MORC2: variants seen among roughly 807,000 people sequenced by gnomAD.
MORC2 encodes MORC family CW-type zinc finger 2.
Under a neutral mutation model 136.0 loss-of-function variants are expected in MORC2, and 30 were observed. The ratio of observed to expected loss-of-function variants is 0.22; its 90% CI spans 0.17 to 0.30. The LOEUF is 0.30. Ranked by LOEUF, MORC2 falls within the 10% of genes least tolerant of loss-of-function variation. MORC2 has a pLI of 1.00. For synonymous variants in MORC2, 439 were observed against 487.0 expected (o/e 0.90, Z 1.30); for missense variants, 922 against 1,333.1 (o/e 0.69, Z 4.80).
chr22:30,934,584 G>A lies in MORC2; in HGVS notation c.2193+197C>T, dbSNP rs539030134. Among the ~76,000 whole-genome samples the A allele has an allele frequency of 3.3e-5, 5 of 152,286 alleles. No homozygotes were observed. Among genetic ancestry groups the A allele is most frequent in the African/African-American group, 9.6e-5 (4 of 41,556 alleles). On this transcript the variant is annotated intron_variant, in intron 19 of 25. Transcript: ENST00000397641. This position sits in a 1 kb window ranked among gnomAD's most constrained non-coding sequence, Gnocchi z 4.4. ...ACTCGGAGGCAACAGTGAAGAGCTC[G>A]CTGTACAGGCAACCGATGTGCTGTC...
At chr22:30,936,835 A>G in intron 16 of MORC2, 97 bp downstream of exon 16, 1 of 1,340,022 alleles carries the variant, frequency 7.5e-7, no homozygotes, top group South Asian at 1.2e-5. Flanking sequence ...AGGTGTGGCA[A>G]GACAGAGATG....
Position 30,926,712 on chromosome 22 carries a change from T to C in MORC2, c.*91A>G. The C allele has an allele frequency of 1.0e-6, 1 of 981,878 alleles. No homozygotes were observed. The highest frequency in any genetic ancestry group is 2.5e-5 in the East Asian group (1 of 39,842). 60.8% of individuals were successfully genotyped at this position (981,878 alleles called of 1,614,324 possible). On this transcript the variant is annotated 3_prime_UTR_variant, in exon 26 of 26. Transcript: ENST00000397641. ...ATGTCCCGTGTAAGTCAAACCAAGG[T>C]GCGACCACCAACCCATGAATGAAGT...
At chr22:30,931,359 G>A (rs746322164) in intron 24 of MORC2, among the ~76,000 whole-genome samples, 2 of 152,236 alleles carry the variant, frequency 1.3e-5, no homozygotes, top group Non-Finnish European at 2.9e-5. Context: ...AGACTGTATA[G>A]CCTGTGAACC....
At chr22:30,949,869 GAA>G (rs1488111781) in intron 4 of MORC2, 27 bp from the exon 5 acceptor site, 1 of 1,608,286 alleles carries the variant, frequency 6.2e-7, no homozygotes, top group Non-Finnish European at 8.5e-7. Context: ...AAGAGAAAGT[GAA>G]AAGTTTGCAT....
rs908763675 is a variant in MORC2 at position 30,941,471 on chromosome 22, C to T, written c.786G>A (p.Val262=). 1.2e-6 allele frequency: 2 copies of T among 1,614,010 alleles called. No individual in the cohort carries two copies. The highest frequency in any genetic ancestry group is 1.7e-6 in the Non-Finnish European group (2 of 1,179,986). ...RMRIFIHGHK[V]QTKRLSCCLY... ...GGCAGCAGGAGAGCCTCTTGGTCTGCACCTTGTGCCCATGGATGAAGATCC... is the reference window on the plus strand; with the variant it reads ...GGCAGCAGGAGAGCCTCTTGGTCTGTACCTTGTGCCCATGGATGAAGATCC... Residue 262 remains valine (V), a synonymous_variant, in exon 9 of 26, where the codon GTG becomes GTA. Transcript: ENST00000397641. This position sits in a 1 kb window ranked among gnomAD's most constrained non-coding sequence, Gnocchi z 4.6.
At chr22:30,946,119 G>T (rs948419110) in intron 6 of MORC2, among the ~76,000 whole-genome samples, 1 of 152,188 alleles carries the variant, frequency 6.6e-6, no homozygotes, top group Admixed American at 6.5e-5. Flanking sequence ...GGAAACAGTT[G>T]TTCTCTGAAG....
In MORC2 at chr22:30,925,952, C is replaced by T. The variant is rs1003581662; in HGVS notation, c.*851G>A. ...AACAGGCTGTCCAGATCAATTGGCACCATCCAAGGCCCTGCTGCACCCACA... is the reference window on the plus strand; with the variant it reads ...AACAGGCTGTCCAGATCAATTGGCATCATCCAAGGCCCTGCTGCACCCACA... On this transcript the variant is annotated 3_prime_UTR_variant, in exon 26 of 26. Coordinates refer to ENST00000397641, the MANE Select transcript of MORC2 (RefSeq NM_001303256.3). 3.3e-5 allele frequency: 5 copies of T among 152,740 alleles called. No homozygotes were observed. Among genetic ancestry groups the T allele is most frequent in the African/African-American group, 1.2e-4 (5 of 41,422 alleles). The allele number at this position is 152,740 out of a possible 1,614,324, so 9.5% of individuals were successfully genotyped here. A position where few individuals can be genotyped will look rare whatever the true frequency, so the allele number is the denominator to read the frequency against.
At chr22:30,953,160 C>G (rs1003862992) in intron 3 of MORC2, among the ~76,000 whole-genome samples, 4 of 152,180 alleles carry the variant, frequency 2.6e-5, no homozygotes, top group African/African-American at 9.7e-5. Flanking sequence ...GAGATAGATT[C>G]CTATCACCTG....
chr22:30,967,565 ATTG>A (rs2041147888), intron 1 of MORC2: 4 of 1,298,458 alleles, frequency 3.1e-6, no homozygotes, highest in Non-Finnish European at 3.9e-6. Flanking sequence ...AACTCAACAT[ATTG>A]ACTTCAAATA....
chr22:30,925,272 C>A lies in MORC2; in HGVS notation c.*1531G>T, dbSNP rs993326692. On this transcript the variant is annotated 3_prime_UTR_variant, in exon 26 of 26. Transcript: ENST00000397641. Reference sequence around the variant, plus strand: ...CATTAGGTTTGGGGACAAAAGTGGACCCCATGCTGCCTGAGATGAAGAGAG... The same window carrying A: ...CATTAGGTTTGGGGACAAAAGTGGAACCCATGCTGCCTGAGATGAAGAGAG... 1.0e-5 allele frequency: 3 copies of A among 291,614 alleles called. No homozygotes were observed. The highest frequency in any genetic ancestry group is 1.0e-4 in the East Asian group (1 of 9,910). The allele number at this position is 291,614 out of a possible 1,614,324, so 18.1% of individuals were successfully genotyped here.
At chr22:30,946,627 A>G (rs2040819672) in intron 5 of MORC2, among the ~76,000 whole-genome samples, 178 bp from the exon 6 acceptor site, 1 of 145,596 alleles carries the variant, frequency 6.9e-6, no homozygotes, top group Non-Finnish European at 1.5e-5. Context: ...CCATCCCCCA[A>G]CACTCCTTCC....
At chr22:30,940,165 C>A in intron 10 of MORC2, 124 bp from the exon 11 acceptor site, 1 of 935,936 alleles carries the variant, frequency 1.1e-6, no homozygotes, top group Non-Finnish European at 1.6e-6. Flanking sequence ...GTAGGGGGAG[C>A]TATGGCTGGT....
Position 30,946,557 on chromosome 22 carries a change from C to A in MORC2, c.318-108G>T, listed in dbSNP as rs2040818441. On this transcript the variant is annotated intron_variant, in intron 5 of 25. Transcript: ENST00000397641. ...ATTGAAAGTGCCACTGGAGGGCTCTCCTAAAGGCCCCCCCAGGTCCCAGGA... is the reference window on the plus strand; with the variant it reads ...ATTGAAAGTGCCACTGGAGGGCTCTACTAAAGGCCCCCCCAGGTCCCAGGA... 5.6e-6 allele frequency: 5 copies of A among 899,428 alleles called. No individual in the cohort carries two copies. The Admixed American group carries it at 1.1e-4, about 20-fold the overall frequency. 55.7% of individuals were successfully genotyped at this position (899,428 alleles called of 1,614,324 possible). A position where few individuals can be genotyped will look rare whatever the true frequency, so the allele number is the denominator to read the frequency against.
At chr22:30,967,776 AGGAACGAGTTACT>A in intron 1 of MORC2, 33 bp downstream of exon 1, 1 of 1,548,946 alleles carries the variant, frequency 6.5e-7, no homozygotes, top group Non-Finnish European at 8.7e-7. Context: ...TATAATATCA[AGGAACGAGTTACT>A]GGTTACCTCA....
chr22:30,948,733 C>A (rs558766452), intron 5 of MORC2, among the ~76,000 whole-genome samples: 2 of 152,330 alleles, frequency 1.3e-5, no homozygotes, highest in African/African-American at 4.8e-5. Flanking sequence ...AAAGTAACTT[C>A]ACCCTTATAA....
rs993250919 is a variant in MORC2, at chr22:30,968,628, C to T, written c.-739G>A. ...GCGCCCCGCCCCCACGTCCCTCAGA[C>T]AACAGCCTCAGCCTCCCAGGCCCTT... On this transcript the variant is annotated 5_prime_UTR_variant, in exon 1 of 26. Transcript: ENST00000397641. 2.6e-5 allele frequency among the ~76,000 whole-genome samples: 4 copies of T among 152,122 alleles called. No homozygotes were observed. The highest frequency in any genetic ancestry group is 4.4e-5 in the Non-Finnish European group (3 of 68,026).
At position 30,941,705 on chromosome 22, in the gene MORC2, A is replaced by G. The variant is rs1474632121; in HGVS notation, c.699-147T>C. 1.6e-6 allele frequency: 2 copies of G among 1,287,356 alleles called. No individual in the cohort carries two copies. Among genetic ancestry groups the G allele is most frequent in the East Asian group, 2.5e-5 (1 of 40,654 alleles). The allele number at this position is 1,287,356 out of a possible 1,614,324, so 79.7% of individuals were successfully genotyped here. ...CCTGAACTGGTGCTCCCTTAGTGTG[A>G]GCACCACATCCCGCCCCTCTCACGT... On this transcript the variant is annotated intron_variant, in intron 8 of 25. Transcript: ENST00000397641. The surrounding 1 kb of genome is among the most constrained non-coding windows in gnomAD (Gnocchi z 4.6).
rs367644446 is a variant in MORC2, at chr22:30,937,252, C to A, written c.1499-215G>T. Among the ~76,000 whole-genome samples, 139 of 152,304 alleles carry A rather than the reference C, an allele frequency of 9.1e-4. No homozygotes were observed. The highest frequency in any genetic ancestry group is 7.5e-4 in the Non-Finnish European group (51 of 68,028). ...AACTTAATATGCTGGACTCTTAACA[C>A]CCCCAGCCCCTCTCCCTTTTTTATC... is the stretch of plus-strand genomic sequence containing the variant. On this transcript the variant is annotated intron_variant, in intron 15 of 25. Transcript: ENST00000397641. The surrounding 1 kb of genome is among the most constrained non-coding windows in gnomAD (Gnocchi z 4.7).
intron 24 of MORC2, chr22:30,929,860 C>G (rs1476087522): frequency 1.3e-5 from 2 of 151,554 alleles, no homozygotes; most frequent in Non-Finnish European, 2.9e-5. Flanking sequence ...AGCTAATATA[C>G]TTTTTTTTTG....
Sources: gnomAD v4.1 joint callset for allele counts (sites outside exome capture counted in the v4.1 genomes callset) on GRCh38, gnomAD v4.1.1 for gene constraint, Gnocchi (gnomAD v3.1) non-coding constraint, MANE v1.5 for transcripts, NCBI Gene and HGNC (gene_info 2026-07-23, HGNC 2026-07-21) for gene names.